UQCC1: variants seen among roughly 807,000 people sequenced by gnomAD.
The protein encoded by UQCC1 is ubiquinol-cytochrome c reductase complex assembly factor 1, also known as bFGF-repressed Zic-binding protein.
In UQCC1, 38 loss-of-function variants were observed where a neutral mutation model predicts 48.0. The ratio of observed to expected loss-of-function variants is 0.79; its 90% CI spans 0.61 to 1.04. UQCC1 has a LOEUF of 1.04. Ranked by LOEUF, UQCC1 falls within the 50% of genes least tolerant of loss-of-function variation. UQCC1 has a pLI of 0.00. For synonymous variants in UQCC1, 111 were observed against 129.2 expected, an observed-to-expected ratio of 0.86 and a Z score of 0.95; for missense variants, 368 against 381.8, an observed-to-expected ratio of 0.96 and a Z score of 0.30.
chr20:35,329,570 A>G (rs115607737), intron 7 of UQCC1, among the ~76,000 whole-genome samples: 252 of 152,328 alleles, frequency 1.7e-3, no homozygotes, highest in African/African-American at 5.9e-3. Flanking sequence ...CAAAGTGAGA[A>G]AAGAGTGTTA....
Position 35,381,908 on chromosome 20 carries a change from A to C in UQCC1, c.333+10T>G. 6.7e-7 allele frequency: 1 copy of C among 1,484,740 alleles called. No individual in the cohort carries two copies. The highest frequency in any genetic ancestry group is 9.3e-7 in the Non-Finnish European group (1 of 1,078,312). 92.0% of individuals were successfully genotyped at this position (1,484,740 alleles called of 1,614,324 possible). On this transcript the variant is annotated intron_variant, in intron 4 of 9. Transcript: ENST00000374385. Reference sequence around the variant, plus strand: ...AAAAGGAAAAATGAGAAGAACTTAAAGGACTTTACCCATTTACTGTATTTC... The same window carrying C: ...AAAAGGAAAAATGAGAAGAACTTAACGGACTTTACCCATTTACTGTATTTC...
intron 9 of UQCC1, among the ~76,000 whole-genome samples, chr20:35,305,851 G>A (rs531616398): frequency 6.6e-6 from 1 of 152,334 alleles, no homozygotes; most frequent in African/African-American, 2.4e-5. Context: ...TGTGACTCAT[G>A]GCACAGCCTG....
At chr20:35,395,417 C>T (rs923168670) in intron 1 of UQCC1, among the ~76,000 whole-genome samples, 4 of 150,950 alleles carry the variant, frequency 2.6e-5, no homozygotes, top group African/African-American at 7.3e-5. Context: ...GCCAGGAGGT[C>T]GAAACCAGCC....
chr20:35,381,872 G>C, intron 4 of UQCC1, 46 bp downstream of exon 4: 2 of 1,139,542 alleles, frequency 1.8e-6, no homozygotes, highest in Non-Finnish European at 2.6e-6. Context: ...GGAGCAGAAA[G>C]CACAATGCCC....
At position 35,374,169 on chromosome 20, in the gene UQCC1, C is replaced by G. The variant is rs757732101; in HGVS notation, c.406+15G>C. On this transcript the variant is annotated intron_variant, in intron 5 of 9. Coordinates refer to ENST00000374385, the MANE Select transcript of UQCC1 (RefSeq NM_018244.5). ...GATTTGTTCTCCTTTTCAGTACTAT[C>G]AAACAATAACTTACTTAGAAAGAAT... is the stretch of plus-strand genomic sequence containing the variant. The G allele has an allele frequency of 6.2e-7, 1 of 1,600,970 alleles. No individual in the cohort carries two copies. Among genetic ancestry groups the G allele is most frequent in the Non-Finnish European group, 8.5e-7 (1 of 1,169,778 alleles).
At chr20:35,392,249 TCTGAAG>T in intron 2 of UQCC1, 2 of 1,304,390 alleles carry the variant, frequency 1.5e-6, no homozygotes, top group Non-Finnish European at 2.0e-6. Flanking sequence ...AGGATGCCAT[TCTGAAG>T]CAGAAGTTTC....
chr20:35,342,198 G>C (rs182791194), intron 7 of UQCC1, among the ~76,000 whole-genome samples: 122 of 152,276 alleles, frequency 8.0e-4, no homozygotes, highest in Admixed American at 2.2e-3. Flanking sequence ...CCGCTGATAA[G>C]GGTAAACTGT....
intron 2 of UQCC1, among the ~76,000 whole-genome samples, chr20:35,387,110 C>T (rs537141415): frequency 6.6e-6 from 1 of 151,830 alleles, no homozygotes; most frequent in Non-Finnish European, 1.5e-5. Context: ...ACCACCATCT[C>T]TACCCCCCTC....
intron 7 of UQCC1, among the ~76,000 whole-genome samples, chr20:35,339,645 T>A (rs1339990946): frequency 6.6e-6 from 1 of 152,174 alleles, no homozygotes; most frequent in African/African-American, 2.4e-5. Context: ...AGCCAGAACA[T>A]GAATACTTCT....
chr20:35,320,868 T>C (rs867564011), intron 7 of UQCC1, among the ~76,000 whole-genome samples: 22 of 152,200 alleles, frequency 1.4e-4, no homozygotes, highest in African/African-American at 5.3e-4. Context: ...CAGCTAGAGT[T>C]GCTGGCTGAA....
chr20:35,306,441 T>C (rs2060929140), intron 9 of UQCC1: 15 of 520,398 alleles, frequency 2.9e-5, no homozygotes, highest in Non-Finnish European at 4.9e-5. Flanking sequence ...GGCAGGAGAC[T>C]ACTCGATGCC....
chr20:35,311,854 T>A (rs1436807256), intron 8 of UQCC1, among the ~76,000 whole-genome samples: 1 of 152,184 alleles, frequency 6.6e-6, no homozygotes, highest in Non-Finnish European at 1.5e-5. Flanking sequence ...AATTTCCTGC[T>A]CTTAAAAGTC....
intron 6 of UQCC1, among the ~76,000 whole-genome samples, chr20:35,363,783 C>T (rs2061635057): frequency 6.6e-6 from 1 of 152,162 alleles, no homozygotes; most frequent in Non-Finnish European, 1.5e-5. Context: ...CTACCACCTC[C>T]AAGAGGTACT....
chr20:35,400,497 T>C (rs1404340488), intron 1 of UQCC1, among the ~76,000 whole-genome samples: 1 of 150,872 alleles, frequency 6.6e-6, no homozygotes, highest in African/African-American at 2.5e-5. Context: ...AAAAATTTTT[T>C]TCTTTTTTTT....
chr20:35,364,497 C>T (rs1416737959), intron 6 of UQCC1, among the ~76,000 whole-genome samples: 1 of 152,222 alleles, frequency 6.6e-6, no homozygotes, highest in East Asian at 1.9e-4. Context: ...TCCAACATCC[C>T]ATGGTCCTGC....
chr20:35,405,721 C>A (rs2062241426), intron 1 of UQCC1, among the ~76,000 whole-genome samples: 2 of 152,162 alleles, frequency 1.3e-5, no homozygotes, highest in South Asian at 4.1e-4. Context: ...AACCCCATCT[C>A]TACTAAAAAT....
chr20:35,308,756 C>G (rs1284116793), intron 8 of UQCC1, among the ~76,000 whole-genome samples: 1 of 152,208 alleles, frequency 6.6e-6, no homozygotes, highest in Admixed American at 6.6e-5. Flanking sequence ...ACTCTGTCAC[C>G]CAGGCTGAAG....
intron 1 of UQCC1, among the ~76,000 whole-genome samples, chr20:35,410,711 A>AAAAAAAAAAAAAAAAAAAAC (rs2062341205): frequency 8.5e-6 from 1 of 117,898 alleles, no homozygotes; most frequent in African/African-American, 3.4e-5. Flanking sequence ...CCTCAAAAAA[A>AAAAAAAAAAAAAAAAAAAAC]AAAAAAAAAA....
At chr20:35,395,507 T>TAAA (rs150565693) in intron 1 of UQCC1, among the ~76,000 whole-genome samples, 53 of 142,932 alleles carry the variant, frequency 3.7e-4, no homozygotes, top group African/African-American at 1.3e-3. Flanking sequence ...TTATTATAAA[T>TAAA]AAATAAAAAA....
Sources: gnomAD v4.1 joint callset for allele counts (sites outside exome capture counted in the v4.1 genomes callset) on GRCh38, gnomAD v4.1.1 for gene constraint, MANE v1.5 for transcripts, NCBI Gene and HGNC (gene_info 2026-07-23, HGNC 2026-07-21) for gene names.